The following RIPOR2 variants were observed in gnomAD, a reference collection of about 807,000 sequenced individuals.
The protein encoded by RIPOR2 is RHO family interacting cell polarization regulator 2.
Under a neutral mutation model 114.5 loss-of-function variants are expected in RIPOR2, and 39 were observed. That is an observed-to-expected ratio of 0.34 (90% CI 0.26 to 0.44). The LOEUF is 0.44. Among genes scored for constraint, RIPOR2 ranks in the 20% least tolerant of loss-of-function variants. The pLI, the probability that RIPOR2 is intolerant of heterozygous loss-of-function variation, is 1.00. For missense variants in RIPOR2, 1,007 were observed against 1,255.1 expected (o/e 0.80, Z 2.99); for synonymous variants, 445 against 484.4 (o/e 0.92, Z 1.07).
At chr6:24,850,765 C>T in intron 9 of RIPOR2, 43 bp from the exon 10 acceptor site, 1 of 1,609,966 alleles carries the variant, frequency 6.2e-7, no homozygotes, top group Non-Finnish European at 8.5e-7. Flanking sequence ...TTGCCACCCC[C>T]TCTTCTCCAC....
intron 1 of RIPOR2, among the ~76,000 whole-genome samples, chr6:25,001,701 CT>C (rs775620654): frequency 3.3e-3 from 337 of 102,492 alleles, no homozygotes; most frequent in Middle Eastern, 6.7e-3. Context: ...TCCTTTCTTT[CT>C]TTTTTTTTTT....
chr6:25,026,045 G>T (rs77464607), intron 1 of RIPOR2, among the ~76,000 whole-genome samples: 31,331 of 146,164 alleles, frequency 0.21, 4,021 homozygotes, highest in East Asian at 0.59. Flanking sequence ...AAAGATTGTT[G>T]TTTTTTTTTT....
intron 1 of RIPOR2, among the ~76,000 whole-genome samples, chr6:24,942,584 G>C (rs1213387393): frequency 1.3e-5 from 2 of 152,142 alleles, no homozygotes; most frequent in African/African-American, 4.8e-5. Flanking sequence ...GTTGTTTCCT[G>C]ACTTTTTAAT....
At chr6:25,031,102 C>T (rs1776905390) in intron 1 of RIPOR2, 1 of 152,296 alleles carries the variant, frequency 6.6e-6, no homozygotes, top group Non-Finnish European at 1.5e-5. Flanking sequence ...CTGTGTTTGA[C>T]CTGGGCCAGT....
intron 1 of RIPOR2, among the ~76,000 whole-genome samples, chr6:24,922,157 A>T (rs1254161941): frequency 2.6e-5 from 4 of 152,158 alleles, no homozygotes; most frequent in African/African-American, 4.8e-5. Context: ...ATAATAATAA[A>T]AAAAACCTTA....
chr6:24,877,311 C>G (rs1765895643), intron 1 of RIPOR2: 3 of 985,356 alleles, frequency 3.0e-6, no homozygotes, highest in Non-Finnish European at 3.6e-6. Flanking sequence ...CCCCTCCCTC[C>G]CTCTCCAGGA....
chr6:25,031,737 ATATATATATATAT>A (rs1399389073), intron 1 of RIPOR2, among the ~76,000 whole-genome samples: 4,676 of 107,356 alleles, frequency 0.044, 266 homozygotes, highest in South Asian at 0.058. Context: ...ATATATATAT[ATATATATATATAT>A]AAAATATCCA....
At chr6:24,952,115 C>T (rs1270111374) in intron 1 of RIPOR2, among the ~76,000 whole-genome samples, 1 of 152,162 alleles carries the variant, frequency 6.6e-6, no homozygotes, top group Non-Finnish European at 1.5e-5. Context: ...CACTCTTTTG[C>T]ACAATGTGTA....
intron 17 of RIPOR2, among the ~76,000 whole-genome samples, chr6:24,829,836 G>T (rs181318346): frequency 9.2e-5 from 14 of 152,270 alleles, no homozygotes; most frequent in East Asian, 1.9e-4. Context: ...CCAACGGTAG[G>T]GGGTATATTG....
intron 17 of RIPOR2, 131 bp downstream of exon 17, chr6:24,830,378 T>A: frequency 1.5e-6 from 1 of 687,836 alleles, no homozygotes. Flanking sequence ...CACTTCTTTT[T>A]TCAGGGATGG....
intron 1 of RIPOR2, chr6:24,947,967 C>T (rs951851899): frequency 6.6e-6 from 1 of 152,128 alleles, no homozygotes; most frequent in East Asian, 1.9e-4. Context: ...AATTAGTTCC[C>T]TGGTCCTATA....
chr6:24,966,161 T>C (rs1773517787), intron 1 of RIPOR2, among the ~76,000 whole-genome samples: 1 of 152,208 alleles, frequency 6.6e-6, no homozygotes, highest in Non-Finnish European at 1.5e-5. Flanking sequence ...CTGTGGACCA[T>C]GCTTCCCATC....
chr6:24,855,848 A>G (rs1377976502), intron 8 of RIPOR2, among the ~76,000 whole-genome samples: 2 of 152,180 alleles, frequency 1.3e-5, no homozygotes, highest in Non-Finnish European at 2.9e-5. Flanking sequence ...AACCTGGGCA[A>G]CACAGTGAGA....
chr6:24,999,423 T>G (rs937711577), intron 1 of RIPOR2, among the ~76,000 whole-genome samples: 2 of 152,196 alleles, frequency 1.3e-5, no homozygotes, highest in African/African-American at 4.8e-5. Flanking sequence ...TTGCTTTGGT[T>G]AAAGAAACCC....
chr6:25,036,189 T>C (rs547267300), intron 1 of RIPOR2, among the ~76,000 whole-genome samples: 14 of 152,274 alleles, frequency 9.2e-5, no homozygotes, highest in African/African-American at 2.9e-4. Flanking sequence ...TTAAGTCACA[T>C]TGACACTGGG....
rs1775537341 is a variant in RIPOR2, at chr6:25,005,744, T to TACA, written c.76+36106_76+36107insTGT. On this transcript the variant is annotated intron_variant, in intron 1 of 13. Coordinates refer to the RIPOR2 transcript ENST00000510784. ...ATATATATATATATATATATATACA[T>TACA]TTACCGATCAAAAGATATGCCATTA... is the stretch of plus-strand genomic sequence containing the variant. 5.1e-5 allele frequency among the ~76,000 whole-genome samples: 6 copies of TACA among 118,180 alleles called. 1 individual carries two copies. The highest frequency in any genetic ancestry group is 8.5e-5 in the Admixed American group (1 of 11,806). The allele number at this position is 118,180 out of a possible 152,430, so 77.5% of individuals were successfully genotyped here. A position where few individuals can be genotyped will look rare whatever the true frequency, so the allele number is the denominator to read the frequency against.
intron 1 of RIPOR2, among the ~76,000 whole-genome samples, chr6:24,926,196 G>A (rs893165246): frequency 4.6e-5 from 7 of 152,222 alleles, no homozygotes; most frequent in Admixed American, 1.3e-4. Context: ...CTCAGATTAC[G>A]TTTTTAAAAG....
At chr6:24,900,549 G>A (rs1312153307) in intron 1 of RIPOR2, among the ~76,000 whole-genome samples, 1 of 152,082 alleles carries the variant, frequency 6.6e-6, no homozygotes, top group Non-Finnish European at 1.5e-5. Flanking sequence ...CTTGAGCCCA[G>A]GAGTTCGAGA....
intron 1 of RIPOR2, among the ~76,000 whole-genome samples, chr6:25,004,153 C>A (rs1174611981): frequency 1.3e-5 from 2 of 152,060 alleles, no homozygotes; most frequent in Non-Finnish European, 2.9e-5. Flanking sequence ...CTGAATACCT[C>A]AAAAAAGCAC....
Sources: gnomAD v4.1 joint callset for allele counts (sites outside exome capture counted in the v4.1 genomes callset) on GRCh38, gnomAD v4.1.1 for gene constraint, MANE v1.5 for transcripts, NCBI Gene and HGNC (gene_info 2026-07-23, HGNC 2026-07-21) for gene names.